MGAT4C: variants seen among roughly 807,000 people sequenced by gnomAD.
The protein encoded by MGAT4C is alpha-1,3-mannosyl-glycoprotein 4-beta-N-acetylglucosaminyltransferase C.
Under a neutral mutation model 40.1 loss-of-function variants are expected in MGAT4C, and 19 were observed. That is an observed-to-expected ratio of 0.47 (90% CI 0.33 to 0.70). The LOEUF (loss-of-function observed/expected upper bound fraction) is 0.70. Among genes scored for constraint, MGAT4C ranks in the 30% least tolerant of loss-of-function variants. The pLI is 0.02. For missense variants in MGAT4C, 491 were observed against 563.2 expected (o/e 0.87, Z 1.30); for synonymous variants, 181 against 187.1 (o/e 0.97, Z 0.27).
intron 1 of MGAT4C, among the ~76,000 whole-genome samples, chr12:86,061,904 C>T (rs1894014484): frequency 6.6e-6 from 1 of 152,162 alleles, no homozygotes; most frequent in Non-Finnish European, 1.5e-5. Flanking sequence ...CCCCCACCTC[C>T]CTGGGACAGA....
At chr12:86,505,811 T>C (rs1164952246) in intron 2 of MGAT4C, among the ~76,000 whole-genome samples, 2 of 152,200 alleles carry the variant, frequency 1.3e-5, no homozygotes, top group African/African-American at 4.8e-5. Flanking sequence ...CCTGGTCAGA[T>C]ATCTCCAACA....
chr12:86,405,109 G>A (rs1956438711), intron 3 of MGAT4C, among the ~76,000 whole-genome samples: 1 of 152,008 alleles, frequency 6.6e-6, no homozygotes, highest in Non-Finnish European at 1.5e-5. Flanking sequence ...TAAAATTGAA[G>A]TATTTTAAAT....
Position 85,961,747 on chromosome 12 carries a change from T to C in MGAT4C, c.*17542A>G, listed in dbSNP as rs1379170830. On this transcript the variant is annotated 3_prime_UTR_variant, in exon 5 of 5. Transcript: ENST00000611864. ...TGAGAGTTCCCACTTTGTATTATAATAGGCAAATTGATACACACTTTTCAT... is the reference window on the plus strand; with the variant it reads ...TGAGAGTTCCCACTTTGTATTATAACAGGCAAATTGATACACACTTTTCAT... 1 of 151,904 alleles carries C rather than the reference T, an allele frequency of 6.6e-6. No homozygotes were observed. Among genetic ancestry groups the C allele is most frequent in the Non-Finnish European group, 1.5e-5 (1 of 67,786 alleles). The allele number at this position is 151,904 out of a possible 1,614,324, so 9.4% of individuals were successfully genotyped here. A position where few individuals can be genotyped will look rare whatever the true frequency, so the allele number is the denominator to read the frequency against.
chr12:86,637,766 A>G (rs1471849825), intron 2 of MGAT4C, among the ~76,000 whole-genome samples: 1 of 151,886 alleles, frequency 6.6e-6, no homozygotes, highest in Non-Finnish European at 1.5e-5. Flanking sequence ...AAATATTTCA[A>G]TCAGTAGCAC....
intron 2 of MGAT4C, among the ~76,000 whole-genome samples, chr12:86,006,646 A>G (rs1274183108): frequency 2.0e-5 from 3 of 152,160 alleles, no homozygotes; most frequent in Non-Finnish European, 4.4e-5. Flanking sequence ...TACCCTGTAG[A>G]GTCGGCTTAG....
intron 2 of MGAT4C, among the ~76,000 whole-genome samples, chr12:86,547,311 C>T (rs367687889): frequency 6.6e-6 from 1 of 151,928 alleles, no homozygotes; most frequent in Admixed American, 6.6e-5. Context: ...TTTCCTCCCC[C>T]CTTCCTCTTC....
chr12:86,026,030 C>A (rs1009334634), intron 2 of MGAT4C, among the ~76,000 whole-genome samples: 3 of 151,682 alleles, frequency 2.0e-5, no homozygotes, highest in African/African-American at 7.3e-5. Flanking sequence ...ATACATCCTG[C>A]AGTTATGATG....
chr12:86,475,307 A>C (rs1397319359), intron 2 of MGAT4C, among the ~76,000 whole-genome samples: 1 of 152,022 alleles, frequency 6.6e-6, no homozygotes, highest in Non-Finnish European at 1.5e-5. Context: ...ATAATTACCA[A>C]ATAGAATTTG....
chr12:86,726,094 C>CA (rs1950816864), intron 2 of MGAT4C, among the ~76,000 whole-genome samples: 1 of 152,070 alleles, frequency 6.6e-6, no homozygotes, highest in Non-Finnish European at 1.5e-5. Flanking sequence ...ATGCTCATCT[C>CA]AAAAATTCAG....
At chr12:86,384,377 A>G (rs1297353997) in intron 3 of MGAT4C, among the ~76,000 whole-genome samples, 1 of 152,200 alleles carries the variant, frequency 6.6e-6, no homozygotes, top group Non-Finnish European at 1.5e-5. Flanking sequence ...GACAGTGGAA[A>G]TATAGACTTT....
chr12:86,486,318 T>C (rs989897076), intron 2 of MGAT4C, among the ~76,000 whole-genome samples: 18 of 151,574 alleles, frequency 1.2e-4, no homozygotes, highest in African/African-American at 4.4e-4. Flanking sequence ...AAGAGCACCA[T>C]GTCACATCTA....
intron 1 of MGAT4C, among the ~76,000 whole-genome samples, chr12:86,770,057 T>G (rs1238184758): frequency 6.6e-6 from 1 of 152,058 alleles, no homozygotes; most frequent in Non-Finnish European, 1.5e-5. Flanking sequence ...TTTATTCCAT[T>G]AAAAATTTTA....
chr12:86,022,601 A>C (rs1718278535), intron 2 of MGAT4C: 1 of 152,156 alleles, frequency 6.6e-6, no homozygotes. Context: ...CTGTAGTCCC[A>C]GATACTTGAG....
intron 1 of MGAT4C, among the ~76,000 whole-genome samples, chr12:86,233,400 C>T (rs192419931): frequency 3.0e-4 from 46 of 152,296 alleles, no homozygotes; most frequent in African/African-American, 9.6e-4. Flanking sequence ...GCTAATGACA[C>T]ATTACATTAT....
chr12:86,248,222 C>T (rs886565962), intron 1 of MGAT4C, among the ~76,000 whole-genome samples: 6 of 151,504 alleles, frequency 4.0e-5, no homozygotes, highest in African/African-American at 1.5e-4. Context: ...TTCCTTCCTT[C>T]CTTCCTTCCT....
chr12:86,016,639 A>G (rs1889116728), intron 2 of MGAT4C, among the ~76,000 whole-genome samples: 1 of 152,186 alleles, frequency 6.6e-6, no homozygotes, highest in South Asian at 2.1e-4. Flanking sequence ...TTAGTTCTGG[A>G]TTTCCCACCT....
Position 85,969,329 on chromosome 12 carries a change from A to G in MGAT4C, c.*9960T>C, listed in dbSNP as rs1459786994. The G allele has an allele frequency of 6.6e-6, 1 of 151,878 alleles. No homozygotes were observed. Among genetic ancestry groups the G allele is most frequent in the Admixed American group, 6.6e-5 (1 of 15,210 alleles). 9.4% of individuals were successfully genotyped at this position (151,878 alleles called of 1,614,324 possible). A position where few individuals can be genotyped will look rare whatever the true frequency, so the allele number is the denominator to read the frequency against. ...TCCAACATCCGAAATAATAGCTGAA[A>G]TTTAGAAACATAGTTAATCACACAA... is the stretch of plus-strand genomic sequence containing the variant. On this transcript the variant is annotated 3_prime_UTR_variant, in exon 5 of 5. Transcript: ENST00000611864.
In MGAT4C at chr12:86,119,568, C is replaced by T. The variant is rs140966865; in HGVS notation, c.-56-69845G>A. Among the ~76,000 whole-genome samples, 471 of 151,736 alleles carry T rather than the reference C, an allele frequency of 3.1e-3. 9 individuals carry two copies. Among genetic ancestry groups the T allele is most frequent in the East Asian group, 0.03 (155 of 5,140 alleles). On this transcript the variant is annotated intron_variant, in intron 1 of 4. Coordinates refer to ENST00000611864, the MANE Select transcript of MGAT4C (RefSeq NM_001351288.2). ...GATTACAGGCGTCCGCCACGATGCC[C>T]GGCTAATTTTTTGTATTTTTAGTAG...
chr12:86,803,465 AGAGT>A (rs1326825023), intron 1 of MGAT4C, among the ~76,000 whole-genome samples: 1 of 152,112 alleles, frequency 6.6e-6, no homozygotes, highest in Non-Finnish European at 1.5e-5. Context: ...AACTACCATC[AGAGT>A]GAACAGGCAA....
Sources: allele counts gnomAD v4.1 joint callset (sites outside exome capture counted in the v4.1 genomes callset), GRCh38; gene constraint gnomAD v4.1.1; transcripts MANE v1.5; gene names NCBI Gene and HGNC (gene_info 2026-07-23, HGNC 2026-07-21).